Variants in ADAM32 observed in about 807,000 individuals in gnomAD.
ADAM32 encodes disintegrin and metalloproteinase domain-containing protein 32.
In ADAM32, 89 loss-of-function variants were observed where a neutral mutation model predicts 114.9. The observed-to-expected ratio is 0.77, with a 90% CI of 0.65 to 0.92. The LOEUF is 0.92. Among genes scored for constraint, ADAM32 ranks in the 40% least tolerant of loss-of-function variants. ADAM32 has a pLI of 0.00. For synonymous variants in ADAM32, 285 were observed against 307.5 expected (o/e 0.93, Z 0.77); for missense variants, 870 against 932.8 (o/e 0.93, Z 0.88).
chr8:39,135,321 A>G (rs1306445800), intron 2 of ADAM32, among the ~76,000 whole-genome samples: 2 of 152,092 alleles, frequency 1.3e-5, no homozygotes, highest in African/African-American at 4.8e-5. Flanking sequence ...CTTCTGCCTT[A>G]TATTTGCCAT....
At chr8:39,141,454 A>G (rs112766371) in intron 3 of ADAM32, among the ~76,000 whole-genome samples, 37,127 of 152,102 alleles carry the variant, frequency 0.24, 5,007 homozygotes, top group Non-Finnish European at 0.29. Context: ...TGAACCCAGT[A>G]GTCATTCAGG....
At chr8:39,217,104 A>AT (rs1808621643) in intron 12 of ADAM32, among the ~76,000 whole-genome samples, 1 of 136,762 alleles carries the variant, frequency 7.3e-6, no homozygotes, top group Non-Finnish European at 1.6e-5. Flanking sequence ...ATGTTTAAAG[A>AT]ATATATATAT....
chr8:39,163,030 C>T lies in ADAM32; in HGVS notation c.595-1734C>T, dbSNP rs79028312. Among the ~76,000 whole-genome samples the T allele has an allele frequency of 2.4e-4, 36 of 152,194 alleles. No individual in the cohort carries two copies. In the East Asian group the frequency reaches 5.4e-3, roughly 23 times the overall value. ...ACAAAGAAACAAACAAACAAACAAT[C>T]ATAGTATTCATATTTTCTTCAGTGA... is the stretch of plus-strand genomic sequence containing the variant. On this transcript the variant is annotated intron_variant, in intron 7 of 24. Transcript: ENST00000379907.
intron 19 of ADAM32, among the ~76,000 whole-genome samples, chr8:39,267,764 T>C (rs1261925273): frequency 2.0e-5 from 3 of 152,220 alleles, no homozygotes; most frequent in Non-Finnish European, 4.4e-5. Flanking sequence ...CTGCACAATC[T>C]AAGCTGAACC....
At chr8:39,171,299 T>G (rs1259529953) in intron 10 of ADAM32, among the ~76,000 whole-genome samples, 4 of 152,134 alleles carry the variant, frequency 2.6e-5, no homozygotes, top group Non-Finnish European at 4.4e-5. Context: ...TAATTTATAG[T>G]ATATTTCAAA....
At chr8:39,201,485 G>C (rs892297384) in intron 11 of ADAM32, among the ~76,000 whole-genome samples, 2 of 151,996 alleles carry the variant, frequency 1.3e-5, no homozygotes, top group African/African-American at 4.8e-5. Flanking sequence ...TTTGTATCCT[G>C]AGACTTTGCT....
At chr8:39,277,383 T>G (rs1222215699) in intron 22 of ADAM32, among the ~76,000 whole-genome samples, 1 of 152,264 alleles carries the variant, frequency 6.6e-6, no homozygotes, top group Non-Finnish European at 1.5e-5. Flanking sequence ...GTGGCTGTGC[T>G]TTAGTGATAT....
At chr8:39,177,785 A>C (rs1805617858) in intron 10 of ADAM32, among the ~76,000 whole-genome samples, 1 of 152,202 alleles carries the variant, frequency 6.6e-6, no homozygotes, top group Admixed American at 6.5e-5. Context: ...GTTTGGCTAA[A>C]TATGAAATTC....
intron 6 of ADAM32, among the ~76,000 whole-genome samples, chr8:39,155,727 A>G (rs1464478682): frequency 6.6e-6 from 1 of 152,044 alleles, no homozygotes; most frequent in African/African-American, 2.4e-5. Flanking sequence ...ATCGTTTTCT[A>G]TATGTCTTCT....
intron 17 of ADAM32, among the ~76,000 whole-genome samples, chr8:39,250,249 A>G (rs1811201447): frequency 6.6e-6 from 1 of 150,898 alleles, no homozygotes; most frequent in Admixed American, 6.6e-5. Context: ...GTTCTTGGAT[A>G]TTCTGTTCTG....
chr8:39,200,184 G>A (rs1585521697), intron 11 of ADAM32, among the ~76,000 whole-genome samples: 1 of 152,212 alleles, frequency 6.6e-6, no homozygotes, highest in African/African-American at 2.4e-5. Context: ...CTAGGTCCTT[G>A]AGGAATTGCC....
intron 16 of ADAM32, among the ~76,000 whole-genome samples, chr8:39,244,480 C>T (rs1464435011): frequency 6.6e-6 from 1 of 152,058 alleles, no homozygotes; most frequent in African/African-American, 2.4e-5. Flanking sequence ...AATAGAGCTC[C>T]CAGAAATAAA....
At chr8:39,222,897 G>T in intron 13 of ADAM32, 143 bp from the exon 14 acceptor site, 1 of 565,698 alleles carries the variant, frequency 1.8e-6, no homozygotes, top group Middle Eastern at 4.6e-4. Flanking sequence ...TATATTATTA[G>T]CATAGTAATT....
intron 14 of ADAM32, chr8:39,223,984 A>G (rs370639743): frequency 1.3e-5 from 2 of 152,180 alleles, no homozygotes; most frequent in East Asian, 3.9e-4. Flanking sequence ...TTTCCTCCTT[A>G]CTCTGACTGA....
chr8:39,232,054 A>C lies in ADAM32; in HGVS notation c.1553A>C (p.Tyr518Ser). The change falls in exon 15 of 25, where the codon TAT becomes TCT. Residue 518 changes from tyrosine (Y) to serine (S), a missense_variant. Transcript: ENST00000379907. The stretch of plus-strand genomic sequence containing the variant: ...TCAAGAAATGCTCCATTTGCCTGCT[A>C]TGAAGAAATACAATCTCAATCAGAC... ...KGSRNAPFAC[Y>S]EEIQSQSDRF... is the part of the protein sequence containing the mutation. 2 of 1,612,260 alleles carry C rather than the reference A, an allele frequency of 1.2e-6. No homozygotes were observed. Among genetic ancestry groups the C allele is most frequent in the Non-Finnish European group, 1.7e-6 (2 of 1,178,928 alleles).
intron 11 of ADAM32, among the ~76,000 whole-genome samples, chr8:39,191,635 G>A (rs142381195): frequency 8.5e-5 from 13 of 152,158 alleles, no homozygotes; most frequent in Non-Finnish European, 1.6e-4. Flanking sequence ...GTTCCTTATA[G>A]ATGCTGGATA....
At chr8:39,264,508 G>A (rs943981040) in intron 19 of ADAM32, among the ~76,000 whole-genome samples, 3 of 151,798 alleles carry the variant, frequency 2.0e-5, no homozygotes, top group Non-Finnish European at 4.4e-5. Context: ...AGAAACTTTC[G>A]GTTTTATTGA....
intron 12 of ADAM32, chr8:39,221,357 C>A (rs1348470385): frequency 2.8e-6 from 1 of 356,174 alleles, no homozygotes; most frequent in Non-Finnish European, 5.1e-6. Context: ...TCCATTCTGA[C>A]ATTCTCCATG....
chr8:39,192,547 C>G (rs973754441), intron 11 of ADAM32, among the ~76,000 whole-genome samples: 7 of 152,152 alleles, frequency 4.6e-5, no homozygotes, highest in Non-Finnish European at 8.8e-5. Flanking sequence ...TGAATTTGAT[C>G]CTGCCATCAT....
Sources: gnomAD v4.1 joint callset for allele counts (sites outside exome capture counted in the v4.1 genomes callset) on GRCh38, gnomAD v4.1.1 for gene constraint, MANE v1.5 for transcripts, NCBI Gene and HGNC (gene_info 2026-07-23, HGNC 2026-07-21) for gene names.